Variants in PSEN2 observed in about 807,000 individuals in gnomAD.
PSEN2 encodes presenilin-2.
In PSEN2, 32 loss-of-function variants were observed where a neutral mutation model predicts 49.1. That is an observed-to-expected ratio of 0.65 (90% CI 0.49 to 0.88). PSEN2 has a LOEUF of 0.88. Ranked by LOEUF, PSEN2 falls within the 40% of genes least tolerant of loss-of-function variation. The probability of loss-of-function intolerance (pLI) is 0.00; values close to 1 mark genes in which losing one functional copy is unlikely to be tolerated. For missense variants in PSEN2, 522 were observed against 586.9 expected (o/e 0.89, Z 1.14); for synonymous variants, 255 against 244.0 (o/e 1.05, Z -0.42).
intron 11 of PSEN2, 39 bp downstream of exon 11, chr1:226,891,883 G>C (rs202106330): frequency 3.4e-5 from 54 of 1,584,236 alleles, no homozygotes; most frequent in Non-Finnish European, 4.5e-5. Flanking sequence ...TTCAGCCTAC[G>C]GCGGGAGCGG....
At chr1:226,881,742 G>A in intron 3 of PSEN2, 146 bp from the exon 4 acceptor site, 1 of 879,102 alleles carries the variant, frequency 1.1e-6, no homozygotes, top group East Asian at 2.4e-5. Flanking sequence ...TTTTATGGCA[G>A]TCGTTTGATT....
At chr1:226,875,001 T>G (rs1217246921) in intron 2 of PSEN2, among the ~76,000 whole-genome samples, 1 of 152,154 alleles carries the variant, frequency 6.6e-6, no homozygotes, top group Non-Finnish European at 1.5e-5. Context: ...CCCTGGCTGC[T>G]TCAGGAAATG....
At position 226,894,107 on chromosome 1, in the gene PSEN2, C is replaced by G; in HGVS notation, c.1173C>G (p.Cys391Trp). 1 of 1,614,028 alleles carries G rather than the reference C, an allele frequency of 6.2e-7. No homozygotes were observed. The highest frequency in any genetic ancestry group is 2.2e-5 in the East Asian group (1 of 44,886). ...GGGACTGGAATACCACGCTGGCCTG[C>G]TTCGTGGCCATCCTCATTGTGAGTG... ...GSGDWNTTLA[C>W]FVAILIGLCL... Residue 391 changes from cysteine to tryptophan, a missense_variant, in exon 12 of 13, where the codon TGC (cysteine) becomes TGG (tryptophan). By Grantham distance (215) the Cys-to-Trp change is radical (BLOSUM62 -2). Coordinates refer to ENST00000366783, the MANE Select transcript of PSEN2 (RefSeq NM_000447.3).
chr1:226,888,967 CAG>C lies in PSEN2; in HGVS notation c.706_707del (p.Ser236CysfsTer27). On this transcript the variant is annotated frameshift_variant, in exon 8 of 13. Transcript: ENST00000366783. LOFTEE classifies it high-confidence loss of function. ...VLQQAYLIMI[S>X]ALMALVFIKY... ...TGCAGCAGGCCTACCTCATCATGAT[CAG>C]TGCGCTCATGGCCCTAGTGTTCATC... 1 of 1,614,178 alleles carries C rather than the reference CAG, an allele frequency of 6.2e-7. No homozygotes were observed. The highest frequency in any genetic ancestry group is 1.7e-5 in the Admixed American group (1 of 60,028).
intron 3 of PSEN2, among the ~76,000 whole-genome samples, chr1:226,879,151 C>T (rs1026866961): frequency 4.6e-5 from 7 of 152,192 alleles, no homozygotes; most frequent in East Asian, 1.9e-4. Flanking sequence ...GGATTACAGG[C>T]GTGAGCCGAG....
intron 2 of PSEN2, among the ~76,000 whole-genome samples, chr1:226,872,228 C>T (rs1660348258): frequency 6.6e-6 from 1 of 152,180 alleles, no homozygotes; most frequent in Middle Eastern, 3.2e-3. Context: ...GGGGGGTTTG[C>T]CTCTTGCCTA....
chr1:226,880,365 G>C (rs1451916918), intron 3 of PSEN2: 2 of 554,318 alleles, frequency 3.6e-6, no homozygotes, highest in Non-Finnish European at 5.7e-6. Flanking sequence ...TGACCAGTGA[G>C]ACCCTGTCTC....
rs200591275 is a variant in PSEN2, at chr1:226,875,407, G to C, written c.-164G>C. ...TCAGACGTCAGGAGAGTGATGTGAG[G>C]GAGCTGTGTGACCATAGAAAGTGAC... is the stretch of plus-strand genomic sequence containing the variant. On this transcript the variant is annotated 5_prime_UTR_variant, in exon 3 of 13. Transcript: ENST00000366783. The C allele has an allele frequency of 1.3e-5, 2 of 152,200 alleles. No individual in the cohort carries two copies. Among genetic ancestry groups the C allele is most frequent in the Non-Finnish European group, 2.9e-5 (2 of 68,058 alleles). 9.4% of individuals were successfully genotyped at this position (152,200 alleles called of 1,614,324 possible).
At chr1:226,896,262 C>G (rs764189597), downstream of PSEN2, among the ~76,000 whole-genome samples, 2 of 152,188 alleles carry the variant, frequency 1.3e-5, no homozygotes, top group Non-Finnish European at 2.9e-5. Context: ...AGAAAGTTTC[C>G]TAAGCAAAGG....
chr1:226,880,193 C>T (rs1349271827), intron 3 of PSEN2, among the ~76,000 whole-genome samples: 1 of 152,058 alleles, frequency 6.6e-6, no homozygotes. Flanking sequence ...TGGGCAACAA[C>T]GTGAGACCCT....
chr1:226,881,653 C>T (rs1571947045), intron 3 of PSEN2, among the ~76,000 whole-genome samples: 3 of 152,128 alleles, frequency 2.0e-5, no homozygotes, highest in South Asian at 2.1e-4. Flanking sequence ...ATGCGTTTTG[C>T]CCCCTGGGAT....
intron 6 of PSEN2, 143 bp from the exon 7 acceptor site, chr1:226,887,948 T>C: frequency 1.4e-6 from 1 of 739,280 alleles, no homozygotes; most frequent in South Asian, 1.4e-5. Context: ...ATCTGTAAGG[T>C]GGCCACCTGA....
In PSEN2 at chr1:226,888,158, G is replaced by C. The variant is rs371686514; in HGVS notation, c.566G>C (p.Gly189Ala). 2.5e-6 allele frequency: 4 copies of C among 1,611,416 alleles called. No individual in the cohort carries two copies. The highest frequency in any genetic ancestry group is 3.4e-6 in the Non-Finnish European group (4 of 1,177,584). Residue 189 changes from glycine (G) to alanine (A), a missense_variant and splice_region_variant, in exon 7 of 13, where the codon GGG becomes GCG. Physicochemically the swap from Gly to Ala is moderately conservative, Grantham distance 60. Coordinates refer to ENST00000366783, the MANE Select transcript of PSEN2 (RefSeq NM_000447.3). ...LLFLFTYIYL[G>A]EVLKTYNVAM... ...TTCCTCTTCACCTATATCTACCTTG[G>C]GTAAGTGACAGATAAGCAGCAGGGT...
chr1:226,889,022 G>A lies in PSEN2; in HGVS notation c.760G>A (p.Val254Ile), dbSNP rs773410250. Residue 254 changes from valine (V) to isoleucine (I), a missense_variant, in exon 8 of 13, where the codon GTC becomes ATC. Transcript: ENST00000366783. ...GTACCTCCCAGAGTGGTCCGCGTGGGTCATCCTGGGCGCCATCTCTGTGTA... is the reference window on the plus strand; with the variant it reads ...GTACCTCCCAGAGTGGTCCGCGTGGATCATCCTGGGCGCCATCTCTGTGTA... ...IKYLPEWSAW[V>I]ILGAISVYDL... 1.9e-6 allele frequency: 3 copies of A among 1,614,022 alleles called. No individual in the cohort carries two copies. In the Admixed American group the frequency reaches 5.0e-5, roughly 27 times the overall value.
At chr1:226,902,366 T>G (rs965068401) in intron 12 of PSEN2, among the ~76,000 whole-genome samples, 2 of 151,822 alleles carry the variant, frequency 1.3e-5, no homozygotes, top group African/African-American at 4.8e-5. Context: ...GGCCTGGGGG[T>G]TGGGGACCCC....
intron 4 of PSEN2, among the ~76,000 whole-genome samples, chr1:226,882,752 G>A (rs1350105488): frequency 1.3e-5 from 2 of 152,032 alleles, no homozygotes; most frequent in South Asian, 2.1e-4. Context: ...CGGAACCATC[G>A]TCCCTAAGCC....
downstream of PSEN2, chr1:226,897,689 G>A (rs370070907): frequency 4.9e-4 from 76 of 155,380 alleles, no homozygotes; most frequent in Non-Finnish European, 1.0e-3. Flanking sequence ...CGTGTAACCC[G>A]TCAACTAATA....
intron 3 of PSEN2, 69 bp from the exon 4 acceptor site, chr1:226,881,819 C>T (rs373334489): frequency 2.1e-5 from 34 of 1,595,192 alleles, no homozygotes; most frequent in African/African-American, 1.6e-4. Flanking sequence ...CCTCCAGCCA[C>T]CCCCTGAGTC....
chr1:226,899,678 G>A (rs546802682), downstream of PSEN2: 1 of 152,392 alleles, frequency 6.6e-6, no homozygotes, highest in East Asian at 1.9e-4. Flanking sequence ...AAACAAGATG[G>A]GCTAGAATCC....
Sources: gnomAD v4.1 joint callset for allele counts (sites outside exome capture counted in the v4.1 genomes callset) on GRCh38, gnomAD v4.1.1 for gene constraint, MANE v1.5 for transcripts, NCBI Gene and HGNC (gene_info 2026-07-23, HGNC 2026-07-21) for gene names.